Variants in PIEZO2 observed in about 807,000 individuals in gnomAD.
PIEZO2 encodes piezo-type mechanosensitive ion channel component 2.
A neutral mutation model predicts 337.3 loss-of-function variants in PIEZO2; 172 were observed. The observed-to-expected ratio is 0.51, with a 90% CI of 0.45 to 0.58. The LOEUF (loss-of-function observed/expected upper bound fraction) is 0.58, where lower values mean the gene tolerates loss of function less well. Among genes scored for constraint, PIEZO2 ranks in the 20% least tolerant of loss-of-function variants. The pLI, the probability that PIEZO2 is intolerant of heterozygous loss-of-function variation, is 0.00. For missense variants in PIEZO2, 3,028 were observed against 3,391.3 expected (o/e 0.89, Z 2.66); for synonymous variants, 1,251 against 1,228.5 (o/e 1.02, Z -0.38).
intron 2 of PIEZO2, among the ~76,000 whole-genome samples, chr18:11,037,711 A>G (rs144636087): frequency 1.7e-3 from 255 of 152,304 alleles, no homozygotes; most frequent in Non-Finnish European, 2.7e-3. Context: ...ACACATATGA[A>G]ATGACAGGCC....
intron 4 of PIEZO2, among the ~76,000 whole-genome samples, chr18:10,880,203 G>T (rs2042375961): frequency 6.6e-6 from 1 of 152,166 alleles, no homozygotes; most frequent in Non-Finnish European, 1.5e-5. Context: ...CTTTGACTGG[G>T]ATAATGACCA....
At position 10,859,346 on chromosome 18, in the gene PIEZO2, T is replaced by G. The variant is rs561036453; in HGVS notation, c.493-2135A>C. On this transcript the variant is annotated intron_variant, in intron 5 of 55. Coordinates refer to ENST00000674853, the MANE Select transcript of PIEZO2 (RefSeq NM_001378183.1). The surrounding 1 kb of genome is among the most constrained non-coding windows in gnomAD (Gnocchi z 4.9). ...CTCATTCTCAGAGGATGACCTTGCT[T>G]TCTACTGCTCCCAGAGAGGAGCTGC... Among the ~76,000 whole-genome samples the G allele has an allele frequency of 1.1e-4, 16 of 152,270 alleles. No homozygotes were observed. The highest frequency in any genetic ancestry group is 2.6e-4 in the Admixed American group (4 of 15,306).
At chr18:10,986,717 G>A (rs550827650) in intron 2 of PIEZO2, among the ~76,000 whole-genome samples, 7 of 151,908 alleles carry the variant, frequency 4.6e-5, no homozygotes, top group East Asian at 1.9e-4. Flanking sequence ...AGTACTAACC[G>A]GAACAGTTAT....
rs1337426249 is a variant in PIEZO2, at chr18:10,954,032, T to C, written c.286+25503A>G. On this transcript the variant is annotated intron_variant, in intron 3 of 55. Transcript: ENST00000674853. The surrounding 1 kb of genome is among the most constrained non-coding windows in gnomAD (Gnocchi z 4.2). ...GGAACTCACAATATGGCCTTTAGGG[T>C]CCCTTGAGGCTTAAAAATATAAGAC... Among the ~76,000 whole-genome samples the C allele has an allele frequency of 6.6e-6, 1 of 152,208 alleles. No homozygotes were observed. The highest frequency in any genetic ancestry group is 1.5e-5 in the Non-Finnish European group (1 of 68,022).
At chr18:10,736,750 T>C (rs1432415933) in intron 33 of PIEZO2, 40 bp from the exon 34 acceptor site, 3 of 1,524,998 alleles carry the variant, frequency 2.0e-6, no homozygotes, top group East Asian at 2.4e-5. Context: ...TTGAAAGACA[T>C]ATAAGGAAAT....
At chr18:10,913,017 C>T (rs1356602885) in intron 3 of PIEZO2, among the ~76,000 whole-genome samples, 10 of 151,674 alleles carry the variant, frequency 6.6e-5, no homozygotes, top group Non-Finnish European at 2.9e-5. Context: ...TTCTTTTGGC[C>T]CCTGGCCCAG....
At chr18:10,718,429 C>T (rs2036103549) in intron 36 of PIEZO2, among the ~76,000 whole-genome samples, 170 bp from the exon 37 acceptor site, 1 of 152,198 alleles carries the variant, frequency 6.6e-6, no homozygotes, top group African/African-American at 2.4e-5. Flanking sequence ...TTATTTTACT[C>T]CATGCCAGCA....
intron 2 of PIEZO2, among the ~76,000 whole-genome samples, chr18:11,026,977 T>TC (rs963396827): frequency 1.3e-5 from 2 of 152,184 alleles, no homozygotes; most frequent in African/African-American, 4.8e-5. Flanking sequence ...ATGGGAGCGC[T>TC]CGTCTCCAAG....
rs1181277874 is a variant in PIEZO2 at position 11,032,635 on chromosome 18, T to C, written c.160+33492A>G. Among the ~76,000 whole-genome samples the C allele has an allele frequency of 2.0e-5, 3 of 152,228 alleles. No homozygotes were observed. The highest frequency in any genetic ancestry group is 4.4e-5 in the Non-Finnish European group (3 of 68,042). ...GTTTGTGCCTTTCAAAAAGGCAGTATGTTCTGAGCAATAAGGCAAATGCAT... is the reference window on the plus strand; with the variant it reads ...GTTTGTGCCTTTCAAAAAGGCAGTACGTTCTGAGCAATAAGGCAAATGCAT... On this transcript the variant is annotated intron_variant, in intron 2 of 55. Transcript: ENST00000674853. The surrounding 1 kb of genome is among the most constrained non-coding windows in gnomAD (Gnocchi z 4.9).
At chr18:11,086,758 GT>G (rs11373960) in intron 1 of PIEZO2, among the ~76,000 whole-genome samples, 53,600 of 149,444 alleles carry the variant, frequency 0.36, 12,080 homozygotes, top group African/African-American at 0.65. Context: ...ATAATTTCGG[GT>G]TTTTTTTTTT....
chr18:10,977,301 CAT>C (rs111865766), intron 3 of PIEZO2, among the ~76,000 whole-genome samples: 6,320 of 145,430 alleles, frequency 0.043, 214 homozygotes, highest in African/African-American at 0.092. Context: ...GAATAAGTTA[CAT>C]ATATATATAT....
intron 34 of PIEZO2, among the ~76,000 whole-genome samples, chr18:10,736,280 G>T (rs2036990384): frequency 1.5e-5 from 1 of 67,838 alleles, no homozygotes; most frequent in African/African-American, 9.6e-5. Context: ...CAATGCCAGA[G>T]AAGTCTTTTT....
rs1034803677 is a variant in PIEZO2 at position 10,982,574 on chromosome 18, G to A, written c.161-2914C>T. ...AAAATATGTAAGAAAAGAATGCTTT[G>A]AAGAATTTCAACAAACATTTTAAAA... On this transcript the variant is annotated intron_variant, in intron 2 of 55. Coordinates refer to ENST00000674853, the MANE Select transcript of PIEZO2 (RefSeq NM_001378183.1). The surrounding 1 kb of genome is among the most constrained non-coding windows in gnomAD (Gnocchi z 4.1). Among the ~76,000 whole-genome samples, 1 of 152,076 alleles carries A rather than the reference G, an allele frequency of 6.6e-6. No individual in the cohort carries two copies. Among genetic ancestry groups the A allele is most frequent in the Non-Finnish European group, 1.5e-5 (1 of 68,002 alleles).
intron 5 of PIEZO2, 149 bp from the exon 6 acceptor site, chr18:10,857,360 G>A (rs1373788960): frequency 4.5e-6 from 3 of 673,302 alleles, no homozygotes; most frequent in Non-Finnish European, 7.6e-6. Context: ...TTCCCCTCAG[G>A]TCTCTGATAA....
intron 2 of PIEZO2, among the ~76,000 whole-genome samples, chr18:10,999,848 T>C (rs2035468415): frequency 6.6e-6 from 1 of 152,212 alleles, no homozygotes; most frequent in Non-Finnish European, 1.5e-5. Context: ...AATTTTCTTC[T>C]AAATTCTAAA....
At position 10,705,759 on chromosome 18, in the gene PIEZO2, A is replaced by G. The variant is rs762592113; in HGVS notation, c.5589-13T>C. 2.0e-6 allele frequency: 3 copies of G among 1,508,892 alleles called. No homozygotes were observed. Among genetic ancestry groups the G allele is most frequent in the Non-Finnish European group, 8.8e-7 (1 of 1,130,938 alleles). The allele number at this position is 1,508,892 out of a possible 1,614,324, so 93.5% of individuals were successfully genotyped here. ...CTGCGTGGGCTCGCTGTTGGGAGAA[A>G]GCGTGGGCACAGAGCCCATGTCTTA... On this transcript the variant is annotated splice_polypyrimidine_tract_variant and intron_variant, in intron 40 of 55. Coordinates refer to ENST00000674853, the MANE Select transcript of PIEZO2 (RefSeq NM_001378183.1).
chr18:10,721,071 A>AT (rs2036290850), intron 36 of PIEZO2, among the ~76,000 whole-genome samples: 1 of 152,262 alleles, frequency 6.6e-6, no homozygotes, highest in African/African-American at 2.4e-5. Flanking sequence ...ATCATTAGGA[A>AT]TTTTTTCCCT....
At position 11,002,457 on chromosome 18, in the gene PIEZO2, C is replaced by A. The variant is rs2035578417; in HGVS notation, c.161-22797G>T. Reference sequence around the variant, plus strand: ...AGAGTCAGTCCTCACTTATGGGGAACAAACAAAGCACAGTGTTGACCCATT... The same window carrying A: ...AGAGTCAGTCCTCACTTATGGGGAAAAAACAAAGCACAGTGTTGACCCATT... On this transcript the variant is annotated intron_variant, in intron 2 of 55. Coordinates refer to ENST00000674853, the MANE Select transcript of PIEZO2 (RefSeq NM_001378183.1). The surrounding 1 kb of genome is among the most constrained non-coding windows in gnomAD (Gnocchi z 4.3). 6.6e-6 allele frequency among the ~76,000 whole-genome samples: 1 copy of A among 152,294 alleles called. No individual in the cohort carries two copies. The highest frequency in any genetic ancestry group is 2.1e-4 in the South Asian group (1 of 4,820).
intron 3 of PIEZO2, among the ~76,000 whole-genome samples, chr18:10,931,739 A>AGAGG (rs1214039403): frequency 2.6e-5 from 4 of 151,548 alleles, no homozygotes; most frequent in African/African-American, 9.7e-5. Flanking sequence ...AGAGAGAGAG[A>AGAGG]GAGGGAAAGC....
Sources: allele counts gnomAD v4.1 joint callset (sites outside exome capture counted in the v4.1 genomes callset), GRCh38; gene constraint gnomAD v4.1.1; non-coding constraint Gnocchi (gnomAD v3.1); transcripts MANE v1.5; gene names NCBI Gene and HGNC (gene_info 2026-07-23, HGNC 2026-07-21).